GRIK2: variants seen among roughly 807,000 people sequenced by gnomAD.
The protein encoded by GRIK2 is glutamate ionotropic receptor kainate type subunit 2, also known as glutamate receptor ionotropic, kainate 2.
Under a neutral mutation model 100.3 loss-of-function variants are expected in GRIK2, and 32 were observed. That is an observed-to-expected ratio of 0.32 (90% CI 0.24 to 0.43). The LOEUF is 0.43. Ranked by LOEUF, GRIK2 falls within the 20% of genes least tolerant of loss-of-function variation. GRIK2 has a pLI of 1.00. For missense variants in GRIK2, 843 were observed against 1,114.9 expected, an observed-to-expected ratio of 0.76 and a Z score of 3.47; for synonymous variants, 417 against 389.4, an observed-to-expected ratio of 1.07 and a Z score of -0.83.
At chr6:101,507,115 G>A (rs934830925) in intron 2 of GRIK2, among the ~76,000 whole-genome samples, 16 of 151,970 alleles carry the variant, frequency 1.1e-4, no homozygotes, top group African/African-American at 2.4e-4. Flanking sequence ...TAACTGATTT[G>A]ACTATTTTAG....
At chr6:101,953,532 A>G (rs372725574) in intron 14 of GRIK2, among the ~76,000 whole-genome samples, 1 of 152,180 alleles carries the variant, frequency 6.6e-6, no homozygotes, top group African/African-American at 2.4e-5. Context: ...AGCATCTTTT[A>G]TGTGCTTATT....
intron 4 of GRIK2, among the ~76,000 whole-genome samples, chr6:101,653,485 A>G (rs1463621204): frequency 1.3e-5 from 2 of 151,960 alleles, no homozygotes; most frequent in African/African-American, 4.8e-5. Flanking sequence ...CAGTTCCCCA[A>G]ACTCGTCATG....
intron 7 of GRIK2, among the ~76,000 whole-genome samples, chr6:101,771,632 A>G (rs185131727): frequency 5.3e-5 from 8 of 151,252 alleles, no homozygotes; most frequent in African/African-American, 1.9e-4. Flanking sequence ...TGCTGCATCC[A>G]TTAACTTGTC....
chr6:101,903,831 A>G (rs1788040263), intron 12 of GRIK2, among the ~76,000 whole-genome samples: 2 of 151,524 alleles, frequency 1.3e-5, no homozygotes, highest in South Asian at 2.1e-4. Flanking sequence ...CATAATGCCC[A>G]TATAATATAA....
At chr6:101,653,458 G>C (rs1781911239) in intron 4 of GRIK2, among the ~76,000 whole-genome samples, 2 of 151,792 alleles carry the variant, frequency 1.3e-5, no homozygotes, top group South Asian at 4.2e-4. Flanking sequence ...TCAATGCCAG[G>C]CAAAGTGAAC....
intron 2 of GRIK2, among the ~76,000 whole-genome samples, chr6:101,401,159 CTAAG>C (rs1425406812): frequency 6.6e-6 from 1 of 152,130 alleles, no homozygotes; most frequent in African/African-American, 2.4e-5. Flanking sequence ...GTGTGCGTTA[CTAAG>C]TGTGTTTGCC....
intron 2 of GRIK2, among the ~76,000 whole-genome samples, chr6:101,498,800 G>T (rs1476514678): frequency 6.6e-5 from 10 of 151,864 alleles, no homozygotes; most frequent in East Asian, 1.9e-4. Context: ...TGCAAAAATT[G>T]TCTCCCATTT....
intron 7 of GRIK2, among the ~76,000 whole-genome samples, chr6:101,773,677 G>A (rs957419321): frequency 1.3e-5 from 2 of 151,960 alleles, no homozygotes; most frequent in East Asian, 1.9e-4. Flanking sequence ...TTATAATTAT[G>A]ACATATTTAA....
At chr6:101,532,322 C>T (rs957639608) in intron 2 of GRIK2, among the ~76,000 whole-genome samples, 4 of 151,942 alleles carry the variant, frequency 2.6e-5, no homozygotes, top group Non-Finnish European at 4.4e-5. Context: ...TTTCTAACAT[C>T]ACCTGATAGG....
chr6:101,658,693 TC>T (rs1769381965), intron 4 of GRIK2, among the ~76,000 whole-genome samples: 1 of 152,196 alleles, frequency 6.6e-6, no homozygotes, highest in African/African-American at 2.4e-5. Context: ...ATCTGTCATT[TC>T]CTGACTTTTT....
chr6:102,067,461 G>A (rs1028332726), intron 16 of GRIK2, among the ~76,000 whole-genome samples: 7 of 151,678 alleles, frequency 4.6e-5, no homozygotes, highest in South Asian at 2.1e-4. Context: ...AGCAGCTAAC[G>A]CACAAATAAG....
intron 7 of GRIK2, among the ~76,000 whole-genome samples, chr6:101,761,800 T>C (rs1038429771): frequency 3.8e-4 from 35 of 93,174 alleles, no homozygotes; most frequent in Middle Eastern, 4.4e-3. Context: ...TCCCTTCCTT[T>C]CTTCCTTCCT....
chr6:101,906,523 G>T (rs1419666033), intron 12 of GRIK2, among the ~76,000 whole-genome samples: 2 of 151,506 alleles, frequency 1.3e-5, no homozygotes, highest in African/African-American at 4.8e-5. Flanking sequence ...TAAGTGGAGG[G>T]ATTTAAAATT....
At chr6:101,732,983 T>C (rs933631453) in intron 7 of GRIK2, among the ~76,000 whole-genome samples, 6 of 152,190 alleles carry the variant, frequency 3.9e-5, no homozygotes, top group Non-Finnish European at 8.8e-5. Context: ...GGATCATATA[T>C]AATAAATCAA....
chr6:101,425,782 T>G (rs1159343109), intron 2 of GRIK2, among the ~76,000 whole-genome samples: 2 of 152,202 alleles, frequency 1.3e-5, no homozygotes, highest in Non-Finnish European at 2.9e-5. Flanking sequence ...GCTCTCTGCA[T>G]GCCCAGCATT....
intron 5 of GRIK2, among the ~76,000 whole-genome samples, chr6:101,681,584 T>C (rs1432106806): frequency 2.0e-5 from 3 of 152,210 alleles, no homozygotes; most frequent in Non-Finnish European, 4.4e-5. Context: ...CTTTTGGTTA[T>C]TTTAAAATAT....
rs183791014 is a variant in GRIK2 at position 101,644,087 on chromosome 6, G to A, written c.541+17450G>A. Among the ~76,000 whole-genome samples, 206 of 151,700 alleles carry A rather than the reference G, an allele frequency of 1.4e-3. 1 individual carries two copies. In the Middle Eastern group the frequency reaches 0.014, roughly 10 times the overall value. ...ACTATATAAAGTAATATCTTATCAA[G>A]CACTTCCTTGGCCAAAGAAGAACCA... On this transcript the variant is annotated intron_variant, in intron 4 of 16. Transcript: ENST00000369134.
chr6:101,556,913 A>C (rs1776776545), intron 2 of GRIK2, among the ~76,000 whole-genome samples: 1 of 152,184 alleles, frequency 6.6e-6, no homozygotes, highest in Non-Finnish European at 1.5e-5. Flanking sequence ...GGTACTTTAC[A>C]ATGGATTAGA....
intron 2 of GRIK2, among the ~76,000 whole-genome samples, chr6:101,610,111 G>A (rs958211791): frequency 2.0e-5 from 3 of 151,044 alleles, no homozygotes; most frequent in Non-Finnish European, 4.4e-5. Context: ...AAAATAATAA[G>A]CACACAAAAA....
Sources: gnomAD v4.1 joint callset for allele counts (sites outside exome capture counted in the v4.1 genomes callset) on GRCh38, gnomAD v4.1.1 for gene constraint, MANE v1.5 for transcripts, NCBI Gene and HGNC (gene_info 2026-07-23, HGNC 2026-07-21) for gene names.